Variants in BTBD9 observed in about 807,000 individuals in gnomAD.
BTBD9 encodes the protein BTB domain containing 9, also known as BTB/POZ domain-containing protein 9.
In BTBD9, 49 loss-of-function variants were observed where a neutral mutation model predicts 64.3. That is an observed-to-expected ratio of 0.76 (90% CI 0.61 to 0.97). The LOEUF (loss-of-function observed/expected upper bound fraction) is 0.97, where lower values mean the gene tolerates loss of function less well. Ranked by LOEUF, BTBD9 falls within the 50% of genes least tolerant of loss-of-function variation. BTBD9 has a pLI of 0.00. For synonymous variants in BTBD9, 260 were observed against 274.7 expected (o/e 0.95, Z 0.53); for missense variants, 598 against 762.1 (o/e 0.78, Z 2.53).
intron 8 of BTBD9, among the ~76,000 whole-genome samples, chr6:38,281,135 G>A (rs1761499534): frequency 6.6e-6 from 1 of 152,084 alleles, no homozygotes; most frequent in Non-Finnish European, 1.5e-5. Context: ...GCCTTCATTT[G>A]GCTATTAAGT....
chr6:38,517,369 T>C (rs996420259), intron 6 of BTBD9, among the ~76,000 whole-genome samples: 40 of 152,092 alleles, frequency 2.6e-4, no homozygotes, highest in African/African-American at 8.0e-4. Context: ...CCTTCTTGGG[T>C]GTATTGGGAC....
At chr6:38,628,974 A>G (rs1489613831) in intron 1 of BTBD9, among the ~76,000 whole-genome samples, 5 of 152,148 alleles carry the variant, frequency 3.3e-5, no homozygotes, top group African/African-American at 4.8e-5. Context: ...AGGGGACATG[A>G]TAGACAGACA....
At chr6:38,470,132 C>T (rs909584221) in intron 6 of BTBD9, among the ~76,000 whole-genome samples, 10 of 152,176 alleles carry the variant, frequency 6.6e-5, no homozygotes, top group Non-Finnish European at 1.0e-4. Context: ...TTATTAAAGA[C>T]ATAAATATGT....
chr6:38,474,832 T>C (rs570938011), intron 6 of BTBD9, among the ~76,000 whole-genome samples: 2 of 152,304 alleles, frequency 1.3e-5, no homozygotes, highest in Non-Finnish European at 2.9e-5. Flanking sequence ...CTAATGCCTA[T>C]AATTTGAAGT....
chr6:38,504,615 T>A, intron 6 of BTBD9: 1 of 455,870 alleles, frequency 2.2e-6, no homozygotes. Flanking sequence ...ATTAACAATA[T>A]AGTTTAAAAT....
At chr6:38,438,441 A>G (rs1768856802) in intron 6 of BTBD9, among the ~76,000 whole-genome samples, 1 of 152,218 alleles carries the variant, frequency 6.6e-6, no homozygotes, top group Non-Finnish European at 1.5e-5. Context: ...GTAGATAATT[A>G]TAATTCTGGC....
chr6:38,537,229 C>T (rs1774060482), intron 6 of BTBD9, among the ~76,000 whole-genome samples: 1 of 152,116 alleles, frequency 6.6e-6, no homozygotes, highest in African/African-American at 2.4e-5. Flanking sequence ...TGACAAGTCT[C>T]TACTCCAAAA....
At chr6:38,412,552 T>A (rs1408935207) in intron 6 of BTBD9, among the ~76,000 whole-genome samples, 2 of 147,984 alleles carry the variant, frequency 1.4e-5, no homozygotes, top group Non-Finnish European at 1.5e-5. Flanking sequence ...CCATTTGGAC[T>A]ACATTAAAAA....
At chr6:38,610,926 G>GA (rs1353512192) in intron 1 of BTBD9, among the ~76,000 whole-genome samples, 2 of 142,422 alleles carry the variant, frequency 1.4e-5, no homozygotes, top group South Asian at 2.6e-4. Flanking sequence ...GTGGGGGGGG[G>GA]ACTAAACGTC....
intron 8 of BTBD9, among the ~76,000 whole-genome samples, chr6:38,286,764 C>T (rs1034184017): frequency 5.9e-5 from 9 of 151,990 alleles, no homozygotes; most frequent in African/African-American, 2.2e-4. Context: ...ATCATAATGT[C>T]GCAGCACTAT....
intron 9 of BTBD9, among the ~76,000 whole-genome samples, chr6:38,232,097 C>T (rs931159375): frequency 1.3e-5 from 2 of 152,186 alleles, no homozygotes; most frequent in African/African-American, 4.8e-5. Flanking sequence ...AAGCATGTGG[C>T]CCTTTTGCCA....
intron 2 of BTBD9, among the ~76,000 whole-genome samples, chr6:38,595,236 C>T (rs910234055): frequency 8.5e-5 from 13 of 152,170 alleles, no homozygotes; most frequent in African/African-American, 3.1e-4. Flanking sequence ...TCATATTAAA[C>T]TCTTAACATC....
chr6:38,375,313 T>C (rs770702774), intron 6 of BTBD9, among the ~76,000 whole-genome samples: 1 of 152,210 alleles, frequency 6.6e-6, no homozygotes, highest in South Asian at 2.1e-4. Context: ...TATTTTTTTC[T>C]TCTGTCCCTG....
intron 6 of BTBD9, among the ~76,000 whole-genome samples, chr6:38,512,297 G>A (rs542868195): frequency 9.9e-4 from 150 of 152,206 alleles, no homozygotes; most frequent in African/African-American, 3.2e-3. Flanking sequence ...AAAAAGGAAA[G>A]GGATACTACA....
intron 1 of BTBD9, among the ~76,000 whole-genome samples, chr6:38,601,685 C>CA (rs1212642925): frequency 4.0e-5 from 6 of 150,126 alleles, no homozygotes; most frequent in South Asian, 2.1e-4. Context: ...GACCCTGTCT[C>CA]AAAAAAATAA....
rs138831011 is a variant in BTBD9, at chr6:38,329,809, G to A, written c.1264+15175C>T. ...TCTACTAAAAATACAAAAAACTAGC[G>A]GGGCGTGATGGCGGGCGCCTGTAAT... On this transcript the variant is annotated intron_variant, in intron 7 of 10. Coordinates refer to ENST00000481247, the MANE Select transcript of BTBD9 (RefSeq NM_001099272.2). Among the ~76,000 whole-genome samples, 1,076 of 152,050 alleles carry A rather than the reference G, an allele frequency of 7.1e-3. 11 individuals are homozygous for A. The highest frequency in any genetic ancestry group is 0.025 in the African/African-American group (1,026 of 41,534).
chr6:38,387,175 T>C lies in BTBD9; in HGVS notation c.1155-42082A>G, dbSNP rs1359924600. Among the ~76,000 whole-genome samples, 3 of 152,258 alleles carry C rather than the reference T, an allele frequency of 2.0e-5. No individual in the cohort carries two copies. In the East Asian group the frequency reaches 5.8e-4, roughly 29 times the overall value. On this transcript the variant is annotated intron_variant, in intron 6 of 10. Coordinates refer to ENST00000481247, the MANE Select transcript of BTBD9 (RefSeq NM_001099272.2). ...TCAAATCATGTTTCTTTTTCAACTA[T>C]GTTTCTGAATATAAATCTGTACATA...
intron 6 of BTBD9, among the ~76,000 whole-genome samples, chr6:38,506,618 A>C (rs1419975536): frequency 6.6e-6 from 1 of 152,252 alleles, no homozygotes; most frequent in African/African-American, 2.4e-5. Flanking sequence ...GAACCATTGT[A>C]AACTGGAGAC....
intron 6 of BTBD9, among the ~76,000 whole-genome samples, chr6:38,435,939 G>T (rs1413067374): frequency 6.6e-6 from 1 of 151,602 alleles, no homozygotes. Flanking sequence ...AAAGTGCTGG[G>T]ATTACAGGTA....
Sources: gnomAD v4.1 joint callset for allele counts (sites outside exome capture counted in the v4.1 genomes callset) on GRCh38, gnomAD v4.1.1 for gene constraint, MANE v1.5 for transcripts, NCBI Gene and HGNC (gene_info 2026-07-23, HGNC 2026-07-21) for gene names.